Variants in RAP1GAP observed in about 807,000 individuals in gnomAD.
RAP1GAP encodes RAP1 GTPase activating protein.
In RAP1GAP, 35 loss-of-function variants were observed where a neutral mutation model predicts 87.2. The observed-to-expected ratio is 0.40, with a 90% CI of 0.31 to 0.53. The LOEUF is 0.53. RAP1GAP is among the 20% of genes least tolerant of loss of function. RAP1GAP has a pLI of 0.48. For synonymous variants in RAP1GAP, 375 were observed against 363.9 expected, an observed-to-expected ratio of 1.03 and a Z score of -0.35; for missense variants, 734 against 898.9, an observed-to-expected ratio of 0.82 and a Z score of 2.35.
chr1:21,598,068 GGGAGGGGGGCA>G lies in RAP1GAP; in HGVS notation c.1880-15_1880-5del. 3 of 1,531,782 alleles carry G rather than the reference GGGAGGGGGGCA, an allele frequency of 2.0e-6. No homozygotes were observed. Among genetic ancestry groups the G allele is most frequent in the Non-Finnish European group, 2.6e-6 (3 of 1,132,682 alleles). 94.9% of individuals were successfully genotyped at this position (1,531,782 alleles called of 1,614,324 possible). On this transcript the variant is annotated splice_region_variant and splice_polypyrimidine_tract_variant and intron_variant, in intron 22 of 24. Transcript: ENST00000374765. ...GGGTGGGGTGATCGAGAGGGGCCTG[GGGAGGGGGGCA>G]GGAGGGAGCCACCTCACTGGCCGCG...
rs72660316 is a variant in RAP1GAP, at chr1:21,608,200, T to C, written c.1296+13A>G. On this transcript the variant is annotated intron_variant, in intron 17 of 24. Coordinates refer to ENST00000374765, the MANE Select transcript of RAP1GAP (RefSeq NM_002885.4). ...TCCCTGCTCCCCGGCCAGTTAGACCTGGGGCCCTTCACCTTGAAAGACTCA... is the reference window on the plus strand; with the variant it reads ...TCCCTGCTCCCCGGCCAGTTAGACCCGGGGCCCTTCACCTTGAAAGACTCA... 209,417 of 1,613,230 alleles carry C rather than the reference T, an allele frequency of 0.13. 14,243 individuals are homozygous for C. Among genetic ancestry groups the C allele is most frequent in the South Asian group, 0.18 (16,766 of 91,020 alleles).
At chr1:21,647,704 C>T (rs889787737) in intron 2 of RAP1GAP, among the ~76,000 whole-genome samples, 1 of 152,168 alleles carries the variant, frequency 6.6e-6, no homozygotes, top group African/African-American at 2.4e-5. Context: ...CAAGTCCACA[C>T]CTGCCATGCT....
rs529967384 is a variant in RAP1GAP at position 21,612,400 on chromosome 1, C to G, written c.529-291G>C. Among the ~76,000 whole-genome samples the G allele has an allele frequency of 5.9e-5, 9 of 152,204 alleles. No individual in the cohort carries two copies. The South Asian group carries it at 1.2e-3, about 21-fold the overall frequency. The stretch of plus-strand genomic sequence containing the variant: ...CATCGCTCCTGAGTTTTGCTGTGAG[C>G]CCCAGTCCTGCCATGCCAAGCCCAC... On this transcript the variant is annotated intron_variant, in intron 10 of 24. Transcript: ENST00000374765.
intron 3 of RAP1GAP, among the ~76,000 whole-genome samples, chr1:21,621,391 G>C (rs909701353): frequency 1.3e-5 from 2 of 152,054 alleles, no homozygotes; most frequent in Non-Finnish European, 2.9e-5. Flanking sequence ...GAGGGCCACG[G>C]TCTAAACCTC....
intron 2 of RAP1GAP, 60 bp downstream of exon 2, chr1:21,649,701 G>A: frequency 6.7e-7 from 1 of 1,502,636 alleles, no homozygotes; most frequent in Non-Finnish European, 9.1e-7. Flanking sequence ...AATGGATTGG[G>A]GGTATCTGCA....
At position 21,608,311 on chromosome 1, in the gene RAP1GAP, C is replaced by T. The variant is rs1424011372; in HGVS notation, c.1198G>A (p.Glu400Lys). 3 of 1,613,846 alleles carry T rather than the reference C, an allele frequency of 1.9e-6. No homozygotes were observed. Among genetic ancestry groups the T allele is most frequent in the Non-Finnish European group, 1.7e-6 (2 of 1,179,944 alleles). The change falls in exon 17 of 25, where the codon GAA becomes AAA. Residue 400 changes from glutamate to lysine, a missense_variant. Transcript: ENST00000374765. ...ATGGACTGGCTGTGGATGTGTAGTTCCTCATAGAGCGTCTCCAGGAGGGCG... is the reference window on the plus strand; with the variant it reads ...ATGGACTGGCTGTGGATGTGTAGTTTCTCATAGAGCGTCTCCAGGAGGGCG... ...RAALLETLYE[E>K]LHIHSQSMMG...
intron 3 of RAP1GAP, among the ~76,000 whole-genome samples, chr1:21,620,338 C>T (rs116068751): frequency 0.012 from 1,763 of 152,304 alleles, 16 homozygotes; most frequent in Middle Eastern, 0.024. Context: ...TGGGGAGGGA[C>T]AGATCGTCCC....
chr1:21,616,990 C>T (rs1309573179), intron 7 of RAP1GAP, among the ~76,000 whole-genome samples: 1 of 152,226 alleles, frequency 6.6e-6, no homozygotes, highest in Non-Finnish European at 1.5e-5. Context: ...GGAAATGAGG[C>T]ACAGAGAAGT....
Position 21,603,016 on chromosome 1 carries a change from T to C in RAP1GAP, c.1429-103A>G, listed in dbSNP as rs372143717. On this transcript the variant is annotated intron_variant, in intron 18 of 24. Transcript: ENST00000374765. This position sits in a 1 kb window ranked among gnomAD's most constrained non-coding sequence, Gnocchi z 6.0. ...TGCTGCCCCAGGCCCTGAAGCAGAGTTGATGAGCAAGAAAGAACGAGAGAA... is the reference window on the plus strand; with the variant it reads ...TGCTGCCCCAGGCCCTGAAGCAGAGCTGATGAGCAAGAAAGAACGAGAGAA... The C allele has an allele frequency of 8.6e-4, 670 of 777,820 alleles. 7 individuals carry two copies. The South Asian group carries it at 9.0e-3, about 10-fold the overall frequency. 48.2% of individuals were successfully genotyped at this position (777,820 alleles called of 1,614,324 possible). A position where few individuals can be genotyped will look rare whatever the true frequency, so the allele number is the denominator to read the frequency against.
At chr1:21,662,909 C>T (rs2152373644) in intron 1 of RAP1GAP, among the ~76,000 whole-genome samples, 1 of 152,288 alleles carries the variant, frequency 6.6e-6, no homozygotes, top group Admixed American at 6.5e-5. Flanking sequence ...ACATAGGGCC[C>T]AGCACACTGC....
At position 21,613,549 on chromosome 1, in the gene RAP1GAP, C is replaced by G. The variant is rs78807044; in HGVS notation, c.474+79G>C. On this transcript the variant is annotated intron_variant, in intron 9 of 24. Coordinates refer to ENST00000374765, the MANE Select transcript of RAP1GAP (RefSeq NM_002885.4). This position sits in a 1 kb window ranked among gnomAD's most constrained non-coding sequence, Gnocchi z 4.7. ...GGCTAGGGCCTACAGCTGAAGGGGA[C>G]GCGCCAAGGCAAGCTGAAGCCCCAC... The G allele has an allele frequency of 2.3e-6, 3 of 1,331,520 alleles. No homozygotes were observed. The highest frequency in any genetic ancestry group is 3.2e-6 in the Non-Finnish European group (3 of 925,526). The allele number at this position is 1,331,520 out of a possible 1,614,324, so 82.5% of individuals were successfully genotyped here. A position where few individuals can be genotyped will look rare whatever the true frequency, so the allele number is the denominator to read the frequency against.
chr1:21,606,513 C>T (rs1050634043), intron 17 of RAP1GAP, among the ~76,000 whole-genome samples: 1 of 152,206 alleles, frequency 6.6e-6, no homozygotes, highest in African/African-American at 2.4e-5. Flanking sequence ...ACACAGGCTG[C>T]TCTGTGCTGA....
chr1:21,611,408 A>T, intron 13 of RAP1GAP, 44 bp downstream of exon 13: 1 of 1,580,706 alleles, frequency 6.3e-7, no homozygotes, highest in Non-Finnish European at 8.6e-7. Context: ...GTGGAGGGGG[A>T]GGACAGGTGG....
chr1:21,630,329 C>T (rs374739204), intron 2 of RAP1GAP, among the ~76,000 whole-genome samples: 2 of 150,844 alleles, frequency 1.3e-5, no homozygotes, highest in Non-Finnish European at 2.9e-5. Flanking sequence ...TGTGCAGTGG[C>T]GTGATCAAAG....
intron 17 of RAP1GAP, among the ~76,000 whole-genome samples, chr1:21,606,707 T>G (rs1371680884): frequency 6.6e-6 from 1 of 152,204 alleles, no homozygotes; most frequent in African/African-American, 2.4e-5. Flanking sequence ...CTACACCAAA[T>G]GCTTGCTATG....
At chr1:21,636,765 C>G (rs1261669785) in intron 2 of RAP1GAP, among the ~76,000 whole-genome samples, 2 of 151,600 alleles carry the variant, frequency 1.3e-5, no homozygotes, top group East Asian at 3.9e-4. Flanking sequence ...CGAGATCATG[C>G]CATTGCACTC....
chr1:21,607,939 G>A (rs931396936), intron 17 of RAP1GAP, among the ~76,000 whole-genome samples: 7 of 146,862 alleles, frequency 4.8e-5, no homozygotes, highest in African/African-American at 1.3e-4. Flanking sequence ...ACCCGCAGGC[G>A]AGCGGCCTCT....
At chr1:21,643,541 A>C (rs2095725362) in intron 2 of RAP1GAP, among the ~76,000 whole-genome samples, 1 of 145,626 alleles carries the variant, frequency 6.9e-6, no homozygotes, top group Non-Finnish European at 1.5e-5. Context: ...TGGGCGAGAC[A>C]GCAAGACTCC....
chr1:21,600,187 G>A (rs2148559437), intron 20 of RAP1GAP, among the ~76,000 whole-genome samples: 1 of 152,282 alleles, frequency 6.6e-6, no homozygotes, highest in East Asian at 1.9e-4. Flanking sequence ...CCTGCCTGGA[G>A]TCTCAGTCCT....
Sources: gnomAD v4.1 joint callset for allele counts (sites outside exome capture counted in the v4.1 genomes callset) on GRCh38, gnomAD v4.1.1 for gene constraint, Gnocchi (gnomAD v3.1) non-coding constraint, MANE v1.5 for transcripts, NCBI Gene and HGNC (gene_info 2026-07-23, HGNC 2026-07-21) for gene names.